The following ATAD2 variants were observed in gnomAD, a reference collection of about 807,000 sequenced individuals.
ATAD2 encodes the protein ATPase family AAA domain containing 2, also known as ATPase family AAA domain-containing protein 2.
A neutral mutation model predicts 168.9 loss-of-function variants in ATAD2; 62 were observed. The observed-to-expected ratio is 0.37, with a 90% CI of 0.30 to 0.45. The LOEUF (loss-of-function observed/expected upper bound fraction) is 0.45. Ranked by LOEUF, ATAD2 falls within the 20% of genes least tolerant of loss-of-function variation. ATAD2 has a pLI of 1.00. For synonymous variants in ATAD2, 613 were observed against 571.6 expected (o/e 1.07, Z -1.03); for missense variants, 1,419 against 1,667.8 (o/e 0.85, Z 2.60).
intron 27 of ATAD2, among the ~76,000 whole-genome samples, chr8:123,321,987 C>CTTTTTTTTTTTT (rs869048943): frequency 1.5e-5 from 2 of 136,486 alleles, no homozygotes; most frequent in African/African-American, 2.8e-5. Context: ...GTACATAAGT[C>CTTTTTTTTTTTT]TTTTTTTTTT....
chr8:123,400,677 G>A, upstream of ATAD2: 1 of 732,996 alleles, frequency 1.4e-6, no homozygotes, highest in South Asian at 1.4e-5. The surrounding 1 kb of genome is among the most constrained non-coding windows in gnomAD (Gnocchi z 4.5). Flanking sequence ...CCTACAACGA[G>A]TTCCTGATTC....
At chr8:123,330,869 A>G (rs1429457713) in intron 24 of ATAD2, among the ~76,000 whole-genome samples, 1 of 152,242 alleles carries the variant, frequency 6.6e-6, no homozygotes, top group Non-Finnish European at 1.5e-5. Context: ...CACAAAAAGT[A>G]CAAAGTTTTT....
At chr8:123,401,985 G>A (rs1011413636) in intron 1 of ATAD2, 36 of 1,138,076 alleles carry the variant, frequency 3.2e-5, no homozygotes, top group Non-Finnish European at 4.0e-5. Context: ...ATCAGGGCCC[G>A]CAGCCTGTCT....
rs779368012 is a variant in ATAD2 at position 123,371,750 on chromosome 8, A to G, written c.456T>C (p.Val152=). 12 of 1,613,618 alleles carry G rather than the reference A, an allele frequency of 7.4e-6. No homozygotes were observed. In the East Asian group the frequency reaches 2.7e-4, roughly 36 times the overall value. Residue 152 remains valine, a synonymous_variant, in exon 4 of 28, where the codon GTT becomes GTC. Coordinates refer to ENST00000287394, the MANE Select transcript of ATAD2 (RefSeq NM_014109.4). ...TAATCCTACAACTTCGACGCACTTC[A>G]ACATCACCATTATCTTCATGTAAGT... The part of the protein sequence containing the change: ...TEHLHEDNGD[V]EVRRSCRIRS...
chr8:123,334,135 T>A (rs1827852300), intron 23 of ATAD2, 65 bp downstream of exon 23: 1 of 1,541,498 alleles, frequency 6.5e-7, no homozygotes, highest in African/African-American at 1.4e-5. Flanking sequence ...GCTTCTGAAA[T>A]TCATATATTC....
Position 123,396,420 on chromosome 8 carries a change from G to A in ATAD2, c.-63C>T. ...AGAGATCCAGCTCCAGGCGCTCGCAGCTCTGGCTCTTCCGCGCTCCGAATT... is the reference window on the plus strand; with the variant it reads ...AGAGATCCAGCTCCAGGCGCTCGCAACTCTGGCTCTTCCGCGCTCCGAATT... On this transcript the variant is annotated 5_prime_UTR_variant, in exon 1 of 28. Transcript: ENST00000287394. 1 of 1,430,462 alleles carries A rather than the reference G, an allele frequency of 7.0e-7. No individual in the cohort carries two copies. The highest frequency in any genetic ancestry group is 1.4e-5 in the South Asian group (1 of 70,804). The allele number at this position is 1,430,462 out of a possible 1,614,324, so 88.6% of individuals were successfully genotyped here.
intron 19 of ATAD2, among the ~76,000 whole-genome samples, chr8:123,343,272 G>A (rs990587865): frequency 3.3e-5 from 5 of 151,902 alleles, no homozygotes; most frequent in African/African-American, 1.2e-4. Flanking sequence ...CACCGCATCC[G>A]GCCAAATATC....
At position 123,346,169 on chromosome 8, in the gene ATAD2, A is replaced by T; in HGVS notation, c.2449T>A (p.Leu817Met). 6.2e-7 allele frequency: 1 copy of T among 1,613,396 alleles called. No individual in the cohort carries two copies. The highest frequency in any genetic ancestry group is 8.5e-7 in the Non-Finnish European group (1 of 1,179,652). The change falls in exon 18 of 28, where the codon TTG (leucine) becomes ATG (methionine). Residue 817 changes from leucine (L) to methionine (M), a missense_variant. By Grantham distance (15) the Leu-to-Met change is conservative. This residue lies in a region of ATAD2 where 545 missense variants were observed against 724.9 expected (regional missense o/e 0.75). Transcript: ENST00000287394. Reference sequence around the variant, plus strand: ...AATGTATATACAGTAAACTTTTCCAAAGCATGAATGACAGCTGGTGCCAAG... The same window carrying T: ...AATGTATATACAGTAAACTTTTCCATAGCATGAATGACAGCTGGTGCCAAG... ...SHLAPAVIHA[L>M]EKFTVYTLDI...
At chr8:123,380,283 C>T (rs1829457836) in intron 2 of ATAD2, among the ~76,000 whole-genome samples, 1 of 151,884 alleles carries the variant, frequency 6.6e-6, no homozygotes, top group South Asian at 2.1e-4. Flanking sequence ...GAACTCCTGA[C>T]CTCAGGTGAT....
At chr8:123,356,988 T>C (rs985069997) in intron 12 of ATAD2, among the ~76,000 whole-genome samples, 1 of 152,176 alleles carries the variant, frequency 6.6e-6, no homozygotes, top group African/African-American at 2.4e-5. Flanking sequence ...TATTGAACTA[T>C]GGAAACAAGA....
rs754696806 is a variant in ATAD2, at chr8:123,339,293, T to A, written c.2854+18A>T. On this transcript the variant is annotated intron_variant, in intron 20 of 27. Coordinates refer to ENST00000287394, the MANE Select transcript of ATAD2 (RefSeq NM_014109.4). ...TTTCTCAAAATTATTAAATATTAAC[T>A]TTGATATAGAAACTAACCTGCTTTC... The A allele has an allele frequency of 6.6e-7, 1 of 1,505,716 alleles. No homozygotes were observed. The allele number at this position is 1,505,716 out of a possible 1,614,324, so 93.3% of individuals were successfully genotyped here. A position where few individuals can be genotyped will look rare whatever the true frequency, so the allele number is the denominator to read the frequency against.
intron 20 of ATAD2, 81 bp downstream of exon 20, chr8:123,339,230 C>T: frequency 1.6e-6 from 2 of 1,220,188 alleles, no homozygotes; most frequent in Non-Finnish European, 2.3e-6. Context: ...CTTGTGTTAT[C>T]AGATACATGT....
At position 123,371,070 on chromosome 8, in the gene ATAD2, T is replaced by G. The variant is rs1829136814; in HGVS notation, c.640-80A>C. Reference sequence around the variant, plus strand: ...TTAAGTTGGATCCTCCAATCTTGTTTAAAATTAAGATATTTACAGCCATAA... The same window carrying G: ...TTAAGTTGGATCCTCCAATCTTGTTGAAAATTAAGATATTTACAGCCATAA... On this transcript the variant is annotated intron_variant, in intron 5 of 27. Coordinates refer to ENST00000287394, the MANE Select transcript of ATAD2 (RefSeq NM_014109.4). 4.9e-6 allele frequency: 6 copies of G among 1,216,014 alleles called. No homozygotes were observed. In the South Asian group the frequency reaches 9.4e-5, roughly 19 times the overall value. 75.3% of individuals were successfully genotyped at this position (1,216,014 alleles called of 1,614,324 possible).
intron 2 of ATAD2, among the ~76,000 whole-genome samples, chr8:123,374,519 C>G (rs1829248817): frequency 6.6e-6 from 1 of 152,178 alleles, no homozygotes. Flanking sequence ...AACAGAATGA[C>G]TAAAGCACTA....
intron 1 of ATAD2, among the ~76,000 whole-genome samples, chr8:123,408,058 G>A (rs1165728848): frequency 1.3e-5 from 2 of 152,084 alleles, no homozygotes; most frequent in South Asian, 2.1e-4. Context: ...AATTTGGACT[G>A]GGATTTCTTT....
intron 22 of ATAD2, 132 bp downstream of exon 22, chr8:123,336,241 G>T: frequency 1.3e-6 from 1 of 781,130 alleles, no homozygotes. Flanking sequence ...TTTACCATTT[G>T]TAAAATGGTT....
chr8:123,356,624 C>A, intron 12 of ATAD2, 147 bp from the exon 13 acceptor site: 1 of 376,746 alleles, frequency 2.7e-6, no homozygotes, highest in Non-Finnish European at 4.4e-6. Context: ...GGTTTTTCTT[C>A]AAACTTACTT....
chr8:123,406,382 CAA>C (rs34085644), intron 1 of ATAD2, among the ~76,000 whole-genome samples: 3 of 90,810 alleles, frequency 3.3e-5, no homozygotes, highest in Non-Finnish European at 4.1e-5. Flanking sequence ...ACTGTCTCAC[CAA>C]AAAAAAAAAA....
chr8:123,407,366 T>G lies in ATAD2; in HGVS notation c.-2281-6191A>C, dbSNP rs1813081682. On this transcript the variant is annotated intron_variant, in intron 1 of 28. Coordinates refer to the ATAD2 transcript ENST00000521903. ...GGATTGGTCTTCTCTTGGTGACCAG[T>G]TCTATCTTTTCTAATCTTAACTATT... Among the ~76,000 whole-genome samples, 3 of 152,334 alleles carry G rather than the reference T, an allele frequency of 2.0e-5. No homozygotes were observed. The South Asian group carries it at 6.2e-4, about 32-fold the overall frequency.
Sources: gnomAD v4.1 joint callset for allele counts (sites outside exome capture counted in the v4.1 genomes callset) on GRCh38, gnomAD v4.1.1 for gene constraint, gnomAD v4.1.1 regional missense constraint, Gnocchi (gnomAD v3.1) non-coding constraint, MANE v1.5 for transcripts, NCBI Gene and HGNC (gene_info 2026-07-23, HGNC 2026-07-21) for gene names.